Variants in TTYH2 observed in about 807,000 individuals in gnomAD.
TTYH2 encodes the protein protein tweety homolog 2.
Under a neutral mutation model 68.3 loss-of-function variants are expected in TTYH2, and 49 were observed. That is an observed-to-expected ratio of 0.72 (90% CI 0.57 to 0.91). The LOEUF (loss-of-function observed/expected upper bound fraction) is 0.91. TTYH2 is among the 40% of genes least tolerant of loss of function. The probability of loss-of-function intolerance (pLI) is 0.00; values close to 1 mark genes in which losing one functional copy is unlikely to be tolerated. For synonymous variants in TTYH2, 272 were observed against 300.8 expected, an observed-to-expected ratio of 0.90 and a Z score of 0.99; for missense variants, 631 against 700.4, an observed-to-expected ratio of 0.90 and a Z score of 1.12.
chr17:74,223,632 G>C (rs748713286), intron 2 of TTYH2, among the ~76,000 whole-genome samples: 2 of 152,208 alleles, frequency 1.3e-5, no homozygotes, highest in African/African-American at 2.4e-5. Context: ...CATGCTGGCT[G>C]TTTTCAGGAG....
In TTYH2 at chr17:74,243,483, C is replaced by T. The variant is rs370282119; in HGVS notation, c.731+14C>T. The T allele has an allele frequency of 3.2e-5, 51 of 1,612,766 alleles. No individual in the cohort carries two copies. The highest frequency in any genetic ancestry group is 1.6e-4 in the Middle Eastern group (1 of 6,082). ...TCTCCTGGCCTCGTGAGTATCCCTA[C>T]CCGTGGACCTGGGACAAAGAGCTGG... is the stretch of plus-strand genomic sequence containing the variant. On this transcript the variant is annotated intron_variant, in intron 5 of 13. Coordinates refer to ENST00000269346, the MANE Select transcript of TTYH2 (RefSeq NM_032646.6).
intron 6 of TTYH2, among the ~76,000 whole-genome samples, chr17:74,244,332 C>T (rs1173482702): frequency 1.3e-5 from 2 of 152,236 alleles, no homozygotes; most frequent in Non-Finnish European, 2.9e-5. Flanking sequence ...TAGGCTTACA[C>T]GTGCTTAGGC....
chr17:74,243,600 G>T, intron 5 of TTYH2, 131 bp downstream of exon 5: 1 of 886,750 alleles, frequency 1.1e-6, no homozygotes, highest in South Asian at 1.5e-5. Flanking sequence ...CTTCTGCCCC[G>T]TCCTCAGCAC....
intron 6 of TTYH2, 45 bp from the exon 7 acceptor site, chr17:74,248,966 T>C: frequency 1.9e-6 from 3 of 1,613,670 alleles, no homozygotes; most frequent in Non-Finnish European, 2.5e-6. Context: ...CCCGCTGTCC[T>C]GATACCTGAT....
chr17:74,227,789 C>T (rs545972283), intron 2 of TTYH2, among the ~76,000 whole-genome samples: 1 of 150,260 alleles, frequency 6.7e-6, no homozygotes, highest in Middle Eastern at 3.2e-3. Flanking sequence ...CCTGCCCCCC[C>T]ATCTTGGATG....
chr17:74,251,702 C>G (rs527895254), intron 10 of TTYH2, among the ~76,000 whole-genome samples: 20 of 152,238 alleles, frequency 1.3e-4, no homozygotes, highest in Middle Eastern at 3.4e-3. Context: ...TTCACACATG[C>G]AACCAGAGCA....
chr17:74,237,388 C>T lies in TTYH2; in HGVS notation c.509C>T (p.Thr170Ile). Residue 170 changes from threonine to isoleucine, a missense_variant, in exon 4 of 14, where the codon ACC (threonine) becomes ATC (isoleucine). Transcript: ENST00000269346. ...GCTGCCCGGGGCGATTACCTGCAGA[C>T]CCTGAAGTTCATACAGCAGATGGCG... ...IFAARGDYLQ[T>I]LKFIQQMAGS... The T allele has an allele frequency of 6.2e-7, 1 of 1,614,144 alleles. No homozygotes were observed. Among genetic ancestry groups the T allele is most frequent in the Non-Finnish European group, 8.5e-7 (1 of 1,180,042 alleles).
chr17:74,222,541 C>T lies in TTYH2; in HGVS notation c.186C>T (p.Phe62=). 1 of 1,612,670 alleles carries T rather than the reference C, an allele frequency of 6.2e-7. No individual in the cohort carries two copies. The highest frequency in any genetic ancestry group is 8.5e-7 in the Non-Finnish European group (1 of 1,180,000). ...TCTGCCTGGGCCTGAACCTCATCTT[C>T]CTTGTGGCTTACCTGGTCTGTGCAT... ...AAVCLGLNLI[F]LVAYLVCACH... Residue 62 remains phenylalanine (F), a synonymous_variant, in exon 2 of 14, where the codon TTC becomes TTT. Coordinates refer to ENST00000269346, the MANE Select transcript of TTYH2 (RefSeq NM_032646.6). The surrounding 1 kb of genome is among the most constrained non-coding windows in gnomAD (Gnocchi z 5.2).
intron 8 of TTYH2, 88 bp downstream of exon 8, chr17:74,249,487 G>T: frequency 6.9e-7 from 1 of 1,459,188 alleles, no homozygotes; most frequent in Non-Finnish European, 9.5e-7. Flanking sequence ...TGGCGGAGGT[G>T]GCAGGGCCTT....
intron 13 of TTYH2, among the ~76,000 whole-genome samples, chr17:74,259,570 C>G (rs2050726893): frequency 6.6e-6 from 1 of 152,098 alleles, no homozygotes; most frequent in Non-Finnish European, 1.5e-5. Flanking sequence ...GTGGCCTGGG[C>G]ATCGGGATGT....
chr17:74,252,176 G>A lies in TTYH2; in HGVS notation c.1117-58G>A, dbSNP rs62065680. On this transcript the variant is annotated intron_variant, in intron 10 of 13. Transcript: ENST00000269346. ...GAGAGGGACTTCCAGAGGAGAGCTC[G>A]GCCCGCAGGCTTTGCCCCCGCTCCT... is the stretch of plus-strand genomic sequence containing the variant. 1.4e-5 allele frequency: 22 copies of A among 1,599,070 alleles called. No individual in the cohort carries two copies. In the Middle Eastern group the frequency reaches 5.4e-4, roughly 39 times the overall value.
rs771833672 is a variant in TTYH2, at chr17:74,237,470, G to C, written c.591G>C (p.Glu197Asp). The change falls in exon 4 of 14, where the codon GAG becomes GAC. Residue 197 changes from glutamate (E) to aspartate (D), a missense_variant. Physicochemically the swap from Glu to Asp is conservative, Grantham distance 45. Coordinates refer to ENST00000269346, the MANE Select transcript of TTYH2 (RefSeq NM_032646.6). ...GLPVWREVTM[E>D]LTKLSDQTGY... ...CCGTGTGGAGGGAGGTCACCATGGA[G>C]CTGACCAAGCTATCCGACCAGACTG... 6.2e-7 allele frequency: 1 copy of C among 1,613,914 alleles called. No individual in the cohort carries two copies. Among genetic ancestry groups the C allele is most frequent in the Non-Finnish European group, 8.5e-7 (1 of 1,179,896 alleles).
chr17:74,219,078 A>C (rs751799986), intron 1 of TTYH2, among the ~76,000 whole-genome samples: 1 of 152,100 alleles, frequency 6.6e-6, no homozygotes, highest in African/African-American at 2.4e-5. Flanking sequence ...TTAGCTGAGC[A>C]TGGTGGCACA....
chr17:74,260,741 C>T lies in TTYH2; in HGVS notation c.*532C>T, dbSNP rs1377236784. 1 of 157,492 alleles carries T rather than the reference C, an allele frequency of 6.3e-6. No homozygotes were observed. Among genetic ancestry groups the T allele is most frequent in the Admixed American group, 6.0e-5 (1 of 16,590 alleles). The allele number at this position is 157,492 out of a possible 1,614,324, so 9.8% of individuals were successfully genotyped here. Reference sequence around the variant, plus strand: ...CGCACCCCTGCTGACACCAGAACAGCCCAAATCAGAGTTCCCAGGGCCAGA... The same window carrying T: ...CGCACCCCTGCTGACACCAGAACAGTCCAAATCAGAGTTCCCAGGGCCAGA... On this transcript the variant is annotated 3_prime_UTR_variant, in exon 14 of 14. Transcript: ENST00000269346.
chr17:74,230,383 C>T (rs1276597353), intron 2 of TTYH2, among the ~76,000 whole-genome samples: 1 of 152,042 alleles, frequency 6.6e-6, no homozygotes, highest in Non-Finnish European at 1.5e-5. Context: ...GCGTGAGCCA[C>T]CACACCCAGC....
intron 12 of TTYH2, 51 bp downstream of exon 12, chr17:74,253,317 T>A (rs772029823): frequency 2.4e-5 from 37 of 1,517,012 alleles, no homozygotes; most frequent in Non-Finnish European, 3.3e-5. Flanking sequence ...GGACAGCATG[T>A]TGGGTGGGGT....
chr17:74,217,693 G>A lies in TTYH2; in HGVS notation c.129+3977G>A, dbSNP rs865984710. On this transcript the variant is annotated intron_variant, in intron 1 of 13. Coordinates refer to ENST00000269346, the MANE Select transcript of TTYH2 (RefSeq NM_032646.6). This position sits in a 1 kb window ranked among gnomAD's most constrained non-coding sequence, Gnocchi z 4.0. The stretch of plus-strand genomic sequence containing the variant: ...CCTCTCCCAGCCTCCCCCTGAGACC[G>A]GCACACCTCTCTCTATGTCTTCTGG... 2.0e-5 allele frequency among the ~76,000 whole-genome samples: 3 copies of A among 152,118 alleles called. No homozygotes were observed. Among genetic ancestry groups the A allele is most frequent in the South Asian group, 2.1e-4 (1 of 4,808 alleles).
At chr17:74,237,550 A>G (rs911593928) in intron 4 of TTYH2, 36 bp downstream of exon 4, 24 of 1,560,094 alleles carry the variant, frequency 1.5e-5, no homozygotes, top group Non-Finnish European at 2.1e-5. Context: ...GAGGGGCAGC[A>G]GCGGCTACAT....
chr17:74,227,900 C>A (rs905917217), intron 2 of TTYH2, among the ~76,000 whole-genome samples: 3 of 151,638 alleles, frequency 2.0e-5, no homozygotes, highest in Non-Finnish European at 2.9e-5. Flanking sequence ...TGATTCTGTT[C>A]CCGTGGTCTG....
Sources: allele counts gnomAD v4.1 joint callset (sites outside exome capture counted in the v4.1 genomes callset), GRCh38; gene constraint gnomAD v4.1.1; non-coding constraint Gnocchi (gnomAD v3.1); transcripts MANE v1.5; gene names NCBI Gene and HGNC (gene_info 2026-07-23, HGNC 2026-07-21).